Variants in EIF3CL observed in about 807,000 individuals in gnomAD.
EIF3CL encodes the protein eukaryotic translation initiation factor 3 subunit C-like protein.
For missense variants in EIF3CL, 5 were observed against 56.1 expected, an observed-to-expected ratio of 0.09 and a Z score of 2.91; for synonymous variants, 2 against 19.6, an observed-to-expected ratio of 0.10 and a Z score of 2.37.
At chr16:28,416,753 G>T in the EIF3CL span, among the ~76,000 whole-genome samples, 4 of 86,450 alleles carry the variant, frequency 4.6e-5, no homozygotes, top group Non-Finnish European at 7.8e-5. Context: ...CGGGAGGGAG[G>T]TGGGGGGGGT....
At chr16:28,403,249 G>C (rs1265952289) in intron 2 of EIF3CL, among the ~76,000 whole-genome samples, 1 of 68,834 alleles carries the variant, frequency 1.5e-5, no homozygotes, top group Non-Finnish European at 3.0e-5. Context: ...AGAGGCTGTA[G>C]ACTTAAGGCC....
chr16:28,415,787 T>C, the EIF3CL span, among the ~76,000 whole-genome samples: 1 of 131,478 alleles, frequency 7.6e-6, no homozygotes, highest in Non-Finnish European at 1.6e-5. Flanking sequence ...TTTCCTATTT[T>C]CATGCCCTCT....
At chr16:28,423,788 C>G in the EIF3CL span, among the ~76,000 whole-genome samples, 4 of 97,020 alleles carry the variant, frequency 4.1e-5, no homozygotes, top group African/African-American at 1.3e-4. Flanking sequence ...AAGGCTTTTT[C>G]TGCTCCATAT....
chr16:28,419,077 G>A, the EIF3CL span, among the ~76,000 whole-genome samples: 1 of 141,546 alleles, frequency 7.1e-6, no homozygotes, highest in Non-Finnish European at 1.6e-5. Context: ...GATGATCTTG[G>A]CTCACTGCAA....
intron 8 of EIF3CL, among the ~76,000 whole-genome samples, chr16:28,392,605 AAAAACAAAAC>A (rs1175634426): frequency 8.7e-6 from 1 of 115,522 alleles, no homozygotes; most frequent in Non-Finnish European, 1.8e-5. Context: ...CAGTCTCCAA[AAAAACAAAAC>A]AAAACAAAAC....
chr16:28,383,937 T>C (rs1415566761), intron 15 of EIF3CL, among the ~76,000 whole-genome samples: 14 of 2,582 alleles, frequency 5.4e-3, no homozygotes, highest in Middle Eastern at 0.17. Flanking sequence ...GAAGGCCTCA[T>C]TGGGAAAGAA....
chr16:28,403,094 T>G (rs1376671115), intron 2 of EIF3CL, among the ~76,000 whole-genome samples: 4 of 144,844 alleles, frequency 2.8e-5, no homozygotes, highest in Non-Finnish European at 6.1e-5. Context: ...ATAAAATGTT[T>G]AAGCACCTGC....
At chr16:28,417,190 TG>T in the EIF3CL span, among the ~76,000 whole-genome samples, 93 of 132,590 alleles carry the variant, frequency 7.0e-4, 4 homozygotes, top group Middle Eastern at 4.0e-3. Context: ...GGGAGGGAGG[TG>T]GGGGGGGTCA....
upstream of EIF3CL, among the ~76,000 whole-genome samples, chr16:28,405,888 CACACACACACACAT>C (rs1436550743): frequency 0.028 from 3,680 of 130,518 alleles, no homozygotes; most frequent in African/African-American, 0.1. Context: ...TGTATACACA[CACACACACACACAT>C]ACACACACAC....
At chr16:28,419,370 T>C in the EIF3CL span, among the ~76,000 whole-genome samples, 1 of 150,212 alleles carries the variant, frequency 6.7e-6, no homozygotes, top group East Asian at 1.9e-4. Flanking sequence ...CTTTCCACCA[T>C]GATTCTCTCA....
the EIF3CL span, among the ~76,000 whole-genome samples, chr16:28,419,594 C>T: frequency 9.7e-6 from 1 of 102,776 alleles, no homozygotes; most frequent in African/African-American, 3.8e-5. Context: ...CATTTTGGAT[C>T]CTCAGGACTT....
upstream of EIF3CL, among the ~76,000 whole-genome samples, chr16:28,407,951 C>T (rs2045686885): frequency 5.8e-5 from 1 of 17,232 alleles, no homozygotes; most frequent in South Asian, 2.1e-3. Flanking sequence ...CACCTGTAAT[C>T]CCAGCACTTT....
At chr16:28,421,950 G>A in the EIF3CL span, among the ~76,000 whole-genome samples, 3 of 62,962 alleles carry the variant, frequency 4.8e-5, no homozygotes, top group Non-Finnish European at 9.8e-5. Flanking sequence ...TGGAACTGCA[G>A]TTTGAGATTG....
At chr16:28,414,918 C>T in the EIF3CL span, 15 of 515,590 alleles carry the variant, frequency 2.9e-5, no homozygotes, top group African/African-American at 3.2e-4. Flanking sequence ...CCTCCGGGTC[C>T]CCAACTCTGA....
At chr16:28,415,744 C>A in the EIF3CL span, among the ~76,000 whole-genome samples, 2 of 135,196 alleles carry the variant, frequency 1.5e-5, no homozygotes, top group African/African-American at 5.7e-5. Context: ...AGCGAGACTC[C>A]GTCTCCAAAA....
chr16:28,416,768 C>T, the EIF3CL span, among the ~76,000 whole-genome samples: 1 of 110,596 alleles, frequency 9.0e-6, no homozygotes, highest in Non-Finnish European at 2.0e-5. Context: ...GGGGGTCAGC[C>T]CCCCCACCCG....
At chr16:28,416,846 C>T in the EIF3CL span, among the ~76,000 whole-genome samples, 1 of 78,906 alleles carries the variant, frequency 1.3e-5, no homozygotes. Flanking sequence ...AGTGAGGAGC[C>T]CCTCTGCCCG....
the EIF3CL span, among the ~76,000 whole-genome samples, chr16:28,416,755 G>T: frequency 7.1e-5 from 6 of 83,940 alleles, no homozygotes; most frequent in Admixed American, 2.6e-4. Flanking sequence ...GGAGGGAGGT[G>T]GGGGGGGTCA....
At chr16:28,405,363 C>CT (rs1430220377), upstream of EIF3CL, among the ~76,000 whole-genome samples, 37 of 5,810 alleles carry the variant, frequency 6.4e-3, 2 homozygotes, top group African/African-American at 0.02. Context: ...CCATAAATAT[C>CT]TTTTTTTTTT....
Sources: gnomAD v4.1 joint callset for allele counts (sites outside exome capture counted in the v4.1 genomes callset) on GRCh38, gnomAD v4.1.1 for gene constraint, MANE v1.5 for transcripts, NCBI Gene and HGNC (gene_info 2026-07-23, HGNC 2026-07-21) for gene names.